CDH20: variants seen among roughly 807,000 people sequenced by gnomAD.
CDH20 encodes the protein cadherin-20.
In CDH20, 29 loss-of-function variants were observed where a neutral mutation model predicts 74.2. The observed-to-expected ratio is 0.39, with a 90% CI of 0.29 to 0.53. CDH20 has a LOEUF of 0.53. CDH20 is among the 20% of genes least tolerant of loss of function. The probability of loss-of-function intolerance (pLI) is 0.69; values close to 1 mark genes in which losing one functional copy is unlikely to be tolerated. For missense variants in CDH20, 988 were observed against 1,048.3 expected (o/e 0.94, Z 0.79); for synonymous variants, 469 against 405.4 (o/e 1.16, Z -1.88).
intron 7 of CDH20, among the ~76,000 whole-genome samples, chr18:61,532,257 G>T (rs1316171398): frequency 6.6e-6 from 1 of 152,140 alleles, no homozygotes; most frequent in African/African-American, 2.4e-5. Context: ...TAGGTGATGT[G>T]TGCTGAGCAG....
At chr18:61,509,376 C>T (rs955180547) in intron 6 of CDH20, among the ~76,000 whole-genome samples, 50 of 152,158 alleles carry the variant, frequency 3.3e-4, no homozygotes, top group African/African-American at 1.1e-3. Context: ...TTGTGAAAAG[C>T]ATACGTGGCA....
intron 7 of CDH20, among the ~76,000 whole-genome samples, chr18:61,528,535 G>A (rs998456475): frequency 6.6e-6 from 1 of 151,622 alleles, no homozygotes; most frequent in East Asian, 1.9e-4. Context: ...GTAATTCTGT[G>A]TTGTTGTGGA....
intron 7 of CDH20, among the ~76,000 whole-genome samples, chr18:61,533,490 G>A (rs528585523): frequency 2.6e-5 from 4 of 152,218 alleles, no homozygotes; most frequent in African/African-American, 9.6e-5. Flanking sequence ...TTAAAAACAG[G>A]ATTGTTTTCT....
At chr18:61,544,142 A>G (rs1190149151) in intron 9 of CDH20, among the ~76,000 whole-genome samples, 1 of 152,248 alleles carries the variant, frequency 6.6e-6, no homozygotes, top group African/African-American at 2.4e-5. Flanking sequence ...GAAGTTTCAC[A>G]TGGAACGGGA....
chr18:61,459,228 C>G (rs1287347496), intron 1 of CDH20, among the ~76,000 whole-genome samples: 1 of 152,148 alleles, frequency 6.6e-6, no homozygotes, highest in African/African-American at 2.4e-5. Context: ...GACACTCTAT[C>G]ACCTCTGGTA....
At chr18:61,499,552 A>G (rs1911289373) in intron 3 of CDH20, 72 bp downstream of exon 3, 2 of 1,061,144 alleles carry the variant, frequency 1.9e-6, no homozygotes, top group Non-Finnish European at 2.7e-6. Flanking sequence ...ACATATGCAC[A>G]TGCACACACA....
rs202105066 is a variant in CDH20, at chr18:61,538,985, C to T, written c.1409-39C>T. The T allele has an allele frequency of 3.1e-4, 496 of 1,601,788 alleles. 1 individual carries two copies. The highest frequency in any genetic ancestry group is 3.9e-4 in the Non-Finnish European group (457 of 1,175,294). On this transcript the variant is annotated intron_variant, in intron 8 of 11. Coordinates refer to ENST00000262717, the MANE Select transcript of CDH20 (RefSeq NM_031891.4). Reference sequence around the variant, plus strand: ...TACTCTTTTTTTTCTTTTGGCATTACTAAACTCTCAGATTTGGTTTTCCTT... The same window carrying T: ...TACTCTTTTTTTTCTTTTGGCATTATTAAACTCTCAGATTTGGTTTTCCTT...
intron 1 of CDH20, chr18:61,391,706 AAACCTGCAC>A (rs1911787970): frequency 1.3e-5 from 2 of 152,314 alleles, no homozygotes; most frequent in Non-Finnish European, 2.9e-5. Context: ...ATATTTTTAC[AAACCTGCAC>A]ATCCTGTACA....
At chr18:61,470,839 G>A (rs542222301) in intron 1 of CDH20, among the ~76,000 whole-genome samples, 75 of 152,198 alleles carry the variant, frequency 4.9e-4, no homozygotes, top group African/African-American at 1.7e-3. Flanking sequence ...AGTTATGCTT[G>A]GAGGTTGGAT....
At chr18:61,530,914 C>G (rs1188727540) in intron 7 of CDH20, among the ~76,000 whole-genome samples, 1 of 152,218 alleles carries the variant, frequency 6.6e-6, no homozygotes, top group Non-Finnish European at 1.5e-5. Flanking sequence ...AAGTGACAAG[C>G]AGGGAGTCCG....
chr18:61,549,025 G>A (rs1913343833), intron 10 of CDH20, among the ~76,000 whole-genome samples: 1 of 152,172 alleles, frequency 6.6e-6, no homozygotes, highest in African/African-American at 2.4e-5. Context: ...GGACCTCTGT[G>A]TTGGTGGTAT....
intron 1 of CDH20, among the ~76,000 whole-genome samples, chr18:61,412,545 AAAAC>A (rs1407427431): frequency 6.6e-6 from 1 of 152,216 alleles, no homozygotes; most frequent in African/African-American, 2.4e-5. Flanking sequence ...AATAAATAGA[AAAAC>A]AAACAAAAAA....
At chr18:61,416,282 C>T (rs967969501) in intron 1 of CDH20, among the ~76,000 whole-genome samples, 1 of 152,182 alleles carries the variant, frequency 6.6e-6, no homozygotes, top group African/African-American at 2.4e-5. Flanking sequence ...GCCTTAATGG[C>T]ATACCAATGA....
rs1427113225 is a variant in CDH20 at position 61,444,636 on chromosome 18, A to G, written c.-152-45766A>G. On this transcript the variant is annotated intron_variant, in intron 1 of 11. Transcript: ENST00000262717. ...CAACCCAAAGGGGGAGGGCTGCCGG[A>G]GAGGTGCAAGTCCTGTGCAAGTCTA... Among the ~76,000 whole-genome samples, 16 of 152,308 alleles carry G rather than the reference A, an allele frequency of 1.1e-4. 2 individuals are homozygous for G. The highest frequency in any genetic ancestry group is 1.0e-3 in the Admixed American group (16 of 15,286).
chr18:61,349,161 A>G (rs2144108337), intron 1 of CDH20, among the ~76,000 whole-genome samples: 1 of 152,302 alleles, frequency 6.6e-6, no homozygotes, highest in South Asian at 2.1e-4. Context: ...TAGACAATAA[A>G]TGGCATTTTG....
chr18:61,537,055 C>T (rs1028980783), intron 8 of CDH20, among the ~76,000 whole-genome samples: 2 of 151,956 alleles, frequency 1.3e-5, no homozygotes, highest in African/African-American at 4.8e-5. Context: ...TTTGAGATAC[C>T]TTACAATAAA....
intron 2 of CDH20, among the ~76,000 whole-genome samples, chr18:61,496,487 C>G (rs1466339579): frequency 6.6e-6 from 1 of 151,920 alleles, no homozygotes; most frequent in Non-Finnish European, 1.5e-5. Flanking sequence ...GACGTCAGGC[C>G]CACATCAAGA....
intron 1 of CDH20, among the ~76,000 whole-genome samples, chr18:61,413,417 T>G (rs920662538): frequency 2.0e-5 from 3 of 152,180 alleles, no homozygotes; most frequent in African/African-American, 7.2e-5. Flanking sequence ...AATACTCGCT[T>G]TCAATATGAA....
chr18:61,392,651 T>G (rs889185333), intron 1 of CDH20, among the ~76,000 whole-genome samples: 3 of 152,112 alleles, frequency 2.0e-5, no homozygotes, highest in Non-Finnish European at 4.4e-5. Context: ...TAAACACATT[T>G]TAGAGACTGA....
Sources: gnomAD v4.1 joint callset for allele counts (sites outside exome capture counted in the v4.1 genomes callset) on GRCh38, gnomAD v4.1.1 for gene constraint, MANE v1.5 for transcripts, NCBI Gene and HGNC (gene_info 2026-07-23, HGNC 2026-07-21) for gene names.